Variants in ATP8A2 observed in about 807,000 individuals in gnomAD.
The protein encoded by ATP8A2 is phospholipid-transporting ATPase IB.
Under a neutral mutation model 165.6 loss-of-function variants are expected in ATP8A2, and 100 were observed. That is an observed-to-expected ratio of 0.60 (90% CI 0.51 to 0.71). The LOEUF is 0.71. Among genes scored for constraint, ATP8A2 ranks in the 30% least tolerant of loss-of-function variants. ATP8A2 has a pLI of 0.00. For missense variants in ATP8A2, 1,227 were observed against 1,479.5 expected (o/e 0.83, Z 2.80); for synonymous variants, 543 against 548.8 (o/e 0.99, Z 0.15).
chr13:25,375,032 T>G (rs1237870420), intron 1 of ATP8A2, among the ~76,000 whole-genome samples: 1 of 152,228 alleles, frequency 6.6e-6, no homozygotes, highest in East Asian at 1.9e-4. Flanking sequence ...CATATTCAAT[T>G]GCACTTTGAT....
chr13:25,492,267 G>T (rs2036550206), intron 2 of ATP8A2, among the ~76,000 whole-genome samples: 1 of 152,170 alleles, frequency 6.6e-6, no homozygotes, highest in Admixed American at 6.5e-5. Flanking sequence ...TGTTGGCCAG[G>T]CTGTTCTTGA....
At position 25,373,139 on chromosome 13, in the gene ATP8A2, G is replaced by A. The variant is rs1230255532; in HGVS notation, c.76+851G>A. Reference sequence around the variant, plus strand: ...TTAGTTAATGCAGACGTAAAGAGGAGCCCCAAAAATGATTTCTTACCGTTT... The same window carrying A: ...TTAGTTAATGCAGACGTAAAGAGGAACCCCAAAAATGATTTCTTACCGTTT... On this transcript the variant is annotated intron_variant, in intron 1 of 36. Coordinates refer to ENST00000381655, the MANE Select transcript of ATP8A2 (RefSeq NM_016529.6). Among the ~76,000 whole-genome samples, 3 of 152,174 alleles carry A rather than the reference G, an allele frequency of 2.0e-5. No individual in the cohort carries two copies. In the East Asian group the frequency reaches 5.8e-4, roughly 29 times the overall value.
In ATP8A2 at chr13:25,799,303, G is replaced by C. The variant is rs189414247; in HGVS notation, c.2679+24344G>C. On this transcript the variant is annotated intron_variant, in intron 27 of 36. Transcript: ENST00000381655. ...TGATAAGAATGCTACTTTCCTTTTG[G>C]GGTAGGAAGGACATCTTTCACATGG... Among the ~76,000 whole-genome samples, 57 of 152,196 alleles carry C rather than the reference G, an allele frequency of 3.7e-4. 1 individual carries two copies. The highest frequency in any genetic ancestry group is 3.3e-3 in the Admixed American group (51 of 15,292).
Position 25,511,265 on chromosome 13 carries a change from A to T in ATP8A2, c.222-18734A>T, listed in dbSNP as rs548626251. On this transcript the variant is annotated intron_variant, in intron 2 of 36. Coordinates refer to ENST00000381655, the MANE Select transcript of ATP8A2 (RefSeq NM_016529.6). ...TTTTAATTTTTATCTTTTCCATCAG[A>T]TCAATACACATTTATATTATAACCT... is the stretch of plus-strand genomic sequence containing the variant. 2.6e-5 allele frequency among the ~76,000 whole-genome samples: 4 copies of T among 152,206 alleles called. No individual in the cohort carries two copies. The East Asian group carries it at 5.8e-4, about 22-fold the overall frequency.
At chr13:25,577,469 G>T (rs1488392227) in intron 20 of ATP8A2, among the ~76,000 whole-genome samples, 2 of 152,146 alleles carry the variant, frequency 1.3e-5, no homozygotes, top group African/African-American at 4.8e-5. Context: ...AAAGTAATTT[G>T]TGTTGACCTA....
At chr13:25,852,966 T>A (rs1038216630) in intron 30 of ATP8A2, among the ~76,000 whole-genome samples, 5 of 152,194 alleles carry the variant, frequency 3.3e-5, no homozygotes, top group African/African-American at 1.2e-4. Context: ...TTGACTTCTC[T>A]TTGCTGCACC....
intron 1 of ATP8A2, among the ~76,000 whole-genome samples, chr13:25,416,890 C>A (rs1346180024): frequency 1.3e-5 from 2 of 152,074 alleles, no homozygotes; most frequent in Admixed American, 6.6e-5. Context: ...GAGGCATATA[C>A]AAAGTAAAGA....
rs748593705 is a variant in ATP8A2 at position 25,699,297 on chromosome 13, G to A, written c.2336G>A (p.Arg779Lys). 3 of 1,613,676 alleles carry A rather than the reference G, an allele frequency of 1.9e-6. No homozygotes were observed. The highest frequency in any genetic ancestry group is 2.5e-6 in the Non-Finnish European group (3 of 1,179,792). ...LKYALSFEVR[R>K]SFLDLALSCK... ...TACGCGCTCTCCTTCGAAGTCCGGA[G>A]GAGTTTCCTGGATTTGGCACTCTCG... Residue 779 changes from arginine to lysine, a missense_variant, in exon 25 of 37, where the codon AGG (arginine) becomes AAG (lysine). Physicochemically the swap from Arg to Lys is conservative, Grantham distance 26. Coordinates refer to ENST00000381655, the MANE Select transcript of ATP8A2 (RefSeq NM_016529.6).
At chr13:25,984,606 AAAAAC>A (rs1285314014) in intron 35 of ATP8A2, among the ~76,000 whole-genome samples, 10 of 151,698 alleles carry the variant, frequency 6.6e-5, no homozygotes, top group African/African-American at 1.7e-4. Context: ...TCAAAAAAAA[AAAAAC>A]AAACAAAAAC....
chr13:25,792,249 A>AT (rs1555267446), intron 27 of ATP8A2, among the ~76,000 whole-genome samples: 1 of 152,182 alleles, frequency 6.6e-6, no homozygotes, highest in East Asian at 1.9e-4. Context: ...AAAGGCTTTC[A>AT]TTTTTTGGCA....
At chr13:25,629,426 C>G (rs2041183657) in intron 24 of ATP8A2, among the ~76,000 whole-genome samples, 1 of 152,126 alleles carries the variant, frequency 6.6e-6, no homozygotes. Flanking sequence ...TAATGATTTT[C>G]CTTTTAATCA....
At chr13:25,719,643 C>T (rs138697222) in intron 25 of ATP8A2, among the ~76,000 whole-genome samples, 216 of 152,302 alleles carry the variant, frequency 1.4e-3, no homozygotes, top group South Asian at 7.1e-3. Context: ...TCCAATCTCC[C>T]GTCTGTGTCT....
chr13:25,556,778 T>C lies in ATP8A2; in HGVS notation c.1263+1710T>C, dbSNP rs143233965. Reference sequence around the variant, plus strand: ...TATAGAGAAGGAAAGGAGTAACTTATCGAAGGACACCTGGTTATTCAGTGT... The same window carrying C: ...TATAGAGAAGGAAAGGAGTAACTTACCGAAGGACACCTGGTTATTCAGTGT... On this transcript the variant is annotated intron_variant, in intron 13 of 36. Transcript: ENST00000381655. Among the ~76,000 whole-genome samples the C allele has an allele frequency of 3.2e-4, 48 of 152,322 alleles. No individual in the cohort carries two copies. In the East Asian group the frequency reaches 5.0e-3, roughly 16 times the overall value.
chr13:25,872,362 G>A (rs1952702491), intron 33 of ATP8A2, among the ~76,000 whole-genome samples: 1 of 152,138 alleles, frequency 6.6e-6, no homozygotes. Context: ...ATTGAGCACA[G>A]AGGAAGGGTG....
At chr13:25,449,042 T>C (rs930404194) in intron 1 of ATP8A2, among the ~76,000 whole-genome samples, 1 of 152,188 alleles carries the variant, frequency 6.6e-6, no homozygotes. Context: ...ATCCTCATGA[T>C]TTCCCTAAGA....
chr13:25,914,405 C>A (rs1372837642), intron 33 of ATP8A2, among the ~76,000 whole-genome samples: 11 of 152,208 alleles, frequency 7.2e-5, no homozygotes, highest in Admixed American at 7.2e-4. Flanking sequence ...TACTTGGCCA[C>A]CTAAACATCA....
At chr13:25,497,289 T>G (rs2036708010) in intron 2 of ATP8A2, among the ~76,000 whole-genome samples, 1 of 152,166 alleles carries the variant, frequency 6.6e-6, no homozygotes, top group African/African-American at 2.4e-5. Context: ...CTCTAACACA[T>G]TTTAGACTGA....
intron 33 of ATP8A2, among the ~76,000 whole-genome samples, chr13:25,925,583 A>G (rs1473124803): frequency 6.6e-6 from 1 of 152,052 alleles, no homozygotes; most frequent in Non-Finnish European, 1.5e-5. Context: ...CTTGACAGGC[A>G]TTGAACTAGT....
chr13:25,980,843 A>G (rs956234252), intron 35 of ATP8A2, among the ~76,000 whole-genome samples: 11 of 152,192 alleles, frequency 7.2e-5, no homozygotes, highest in African/African-American at 2.7e-4. Flanking sequence ...GTGAACAGAC[A>G]CTGCACTCCA....
Sources: gnomAD v4.1 joint callset for allele counts (sites outside exome capture counted in the v4.1 genomes callset) on GRCh38, gnomAD v4.1.1 for gene constraint, MANE v1.5 for transcripts, NCBI Gene and HGNC (gene_info 2026-07-23, HGNC 2026-07-21) for gene names.